DMXL1: variants seen among roughly 807,000 people sequenced by gnomAD.
DMXL1 encodes the protein dmX-like protein 1.
DMXL1 carries 99 observed loss-of-function variants against 319.2 expected under a neutral mutation model. The observed-to-expected ratio is 0.31, with a 90% confidence interval of 0.26 to 0.37. DMXL1 has a LOEUF of 0.37. Ranked by LOEUF, DMXL1 falls within the 10% of genes least tolerant of loss-of-function variation. DMXL1 has a pLI of 1.00. For missense variants in DMXL1, 3,745 were observed against 3,595.6 expected (o/e 1.04, Z -1.06); for synonymous variants, 1,385 against 1,235.2 (o/e 1.12, Z -2.54).
At chr5:119,081,997 TTATATATA>T (rs144946899) in intron 1 of DMXL1, among the ~76,000 whole-genome samples, 84 of 116,232 alleles carry the variant, frequency 7.2e-4, no homozygotes, top group African/African-American at 2.3e-3. Context: ...TTTCTTAAGG[TTATATATA>T]TATATATATA....
chr5:119,164,001 G>A (rs1465363991), intron 19 of DMXL1, among the ~76,000 whole-genome samples: 1 of 152,048 alleles, frequency 6.6e-6, no homozygotes, highest in Admixed American at 6.6e-5. Context: ...GTAAGCCACC[G>A]CACCCTGCTA....
intron 39 of DMXL1, among the ~76,000 whole-genome samples, chr5:119,233,843 T>C (rs1422113579): frequency 6.6e-6 from 1 of 152,180 alleles, no homozygotes; most frequent in African/African-American, 2.4e-5. Context: ...TCTCCAGATG[T>C]GCTGAATCAC....
intron 13 of DMXL1, among the ~76,000 whole-genome samples, chr5:119,140,138 T>G (rs987072606): frequency 6.6e-6 from 1 of 152,096 alleles, no homozygotes; most frequent in Admixed American, 6.6e-5. Flanking sequence ...AGATGGAAAT[T>G]TATAGTACTA....
chr5:119,227,962 C>T (rs1301974488), intron 38 of DMXL1, among the ~76,000 whole-genome samples: 1 of 152,064 alleles, frequency 6.6e-6, no homozygotes, highest in East Asian at 1.9e-4. Context: ...TGCCAAATTT[C>T]CATAAACTAC....
chr5:119,233,130 G>A (rs1224809855), intron 38 of DMXL1, among the ~76,000 whole-genome samples: 11 of 152,002 alleles, frequency 7.2e-5, no homozygotes, highest in South Asian at 2.1e-4. Flanking sequence ...TGCTCCTATC[G>A]TATTTGAGGA....
intron 10 of DMXL1, 23 bp downstream of exon 10, chr5:119,129,446 A>G: frequency 6.5e-7 from 1 of 1,548,372 alleles, no homozygotes; most frequent in South Asian, 1.2e-5. Flanking sequence ...AGGAAAGGAA[A>G]ATTTAAAGTT....
At chr5:119,235,955 G>GA (rs1411344901) in intron 39 of DMXL1, among the ~76,000 whole-genome samples, 2 of 151,862 alleles carry the variant, frequency 1.3e-5, no homozygotes, top group African/African-American at 4.8e-5. Flanking sequence ...ATCTACTCCA[G>GA]AAAATGTAAG....
At position 119,123,766 on chromosome 5, in the gene DMXL1, G is replaced by GAC. The variant is rs111416139; in HGVS notation, c.1102+2628_1102+2629insCA. On this transcript the variant is annotated intron_variant, in intron 9 of 43. Transcript: ENST00000539542. ...TTGCCTTGGCCTCCCAAAGTGCTGG[G>GAC]ATTACAGGCGGGAGCCACTGTGCCT... 2.4e-3 allele frequency among the ~76,000 whole-genome samples: 238 copies of GAC among 97,500 alleles called. 9 individuals carry two copies. Among genetic ancestry groups the GAC allele is most frequent in the South Asian group, 4.9e-3 (10 of 2,056 alleles). 64.0% of individuals were successfully genotyped at this position (97,500 alleles called of 152,430 possible).
At chr5:119,188,533 G>C (rs996064328) in intron 28 of DMXL1, among the ~76,000 whole-genome samples, 2 of 152,280 alleles carry the variant, frequency 1.3e-5, no homozygotes, top group South Asian at 4.1e-4. Flanking sequence ...ATGAGAAGTT[G>C]GTAAACTACC....
chr5:119,146,422 G>C (rs992960689), intron 15 of DMXL1, among the ~76,000 whole-genome samples: 2 of 151,834 alleles, frequency 1.3e-5, no homozygotes, highest in African/African-American at 4.8e-5. Context: ...TTATGGTTTG[G>C]CCATTGGATA....
intron 9 of DMXL1, among the ~76,000 whole-genome samples, chr5:119,124,317 CAA>C (rs527305652): frequency 3.9e-4 from 36 of 92,264 alleles, no homozygotes; most frequent in Middle Eastern, 5.6e-3. Context: ...GACTCCATCT[CAA>C]AAAAAAAAAA....
intron 43 of DMXL1, 49 bp from the exon 44 acceptor site, chr5:119,246,946 T>C: frequency 7.0e-7 from 1 of 1,419,352 alleles, no homozygotes. Context: ...TTTGATTTCT[T>C]AAGGTCATCA....
chr5:119,115,425 T>C (rs576365489), intron 6 of DMXL1, among the ~76,000 whole-genome samples: 53 of 152,364 alleles, frequency 3.5e-4, no homozygotes, highest in African/African-American at 1.2e-3. Context: ...TTTTATTCAT[T>C]GGTTCATAGA....
chr5:119,087,001 C>T (rs1753520955), intron 1 of DMXL1, among the ~76,000 whole-genome samples: 1 of 151,896 alleles, frequency 6.6e-6, no homozygotes, highest in Non-Finnish European at 1.5e-5. Context: ...TATGGTTGTT[C>T]ATAAGGATTC....
chr5:119,108,952 C>A (rs1302670099), intron 4 of DMXL1, among the ~76,000 whole-genome samples: 2 of 152,012 alleles, frequency 1.3e-5, no homozygotes, highest in African/African-American at 2.4e-5. Flanking sequence ...CAGGCATGCT[C>A]CACCATGCCC....
At chr5:119,110,597 A>T (rs1182155132) in intron 5 of DMXL1, among the ~76,000 whole-genome samples, 1 of 152,226 alleles carries the variant, frequency 6.6e-6, no homozygotes, top group Non-Finnish European at 1.5e-5. Context: ...TATTCTGAAG[A>T]AATCTATTTT....
In DMXL1 at chr5:119,216,969, T is replaced by A; in HGVS notation, c.7995T>A (p.Thr2665=). 1 of 1,590,188 alleles carries A rather than the reference T, an allele frequency of 6.3e-7. No individual in the cohort carries two copies. The highest frequency in any genetic ancestry group is 1.3e-5 in the African/African-American group (1 of 74,350). Residue 2665 remains threonine, a synonymous_variant, in exon 35 of 44, where the codon ACT becomes ACA. Coordinates refer to ENST00000539542, the MANE Select transcript of DMXL1 (RefSeq NM_001290321.3). The stretch of plus-strand genomic sequence containing the variant: ...TTCATAAGGAATCTGATATCATTAC[T>A]GCGTTTGCTGTTAATAAGGTAAGTA... ...RIIHKESDII[T]AFAVNKANRN...
chr5:119,137,131 C>A (rs796073897), intron 13 of DMXL1, among the ~76,000 whole-genome samples: 48 of 152,380 alleles, frequency 3.2e-4, no homozygotes, highest in African/African-American at 9.9e-4. Flanking sequence ...TGGGAACCCA[C>A]ACCTGTGTCA....
chr5:119,115,206 GTA>G (rs1760574781), intron 6 of DMXL1, among the ~76,000 whole-genome samples: 2 of 152,144 alleles, frequency 1.3e-5, no homozygotes, highest in South Asian at 4.1e-4. Flanking sequence ...AATATATGCA[GTA>G]TAGAGTGACC....
Sources: allele counts gnomAD v4.1 joint callset (sites outside exome capture counted in the v4.1 genomes callset), GRCh38; gene constraint gnomAD v4.1.1; transcripts MANE v1.5; gene names NCBI Gene and HGNC (gene_info 2026-07-23, HGNC 2026-07-21).